Variants in RBFOX1 observed in about 807,000 individuals in gnomAD.
RBFOX1 encodes RNA binding protein fox-1 homolog 1.
RBFOX1 carries 8 observed loss-of-function variants against 57.7 expected under a neutral mutation model. The observed-to-expected ratio is 0.14, with a 90% confidence interval of 0.08 to 0.25. The LOEUF is 0.25. Ranked by LOEUF, RBFOX1 falls within the 10% of genes least tolerant of loss-of-function variation. The pLI, the probability that RBFOX1 is intolerant of heterozygous loss-of-function variation, is 1.00. For synonymous variants in RBFOX1, 326 were observed against 222.4 expected, an observed-to-expected ratio of 1.47 and a Z score of -4.15; for missense variants, 611 against 548.5, an observed-to-expected ratio of 1.11 and a Z score of -1.14.
intron 2 of RBFOX1, among the ~76,000 whole-genome samples, chr16:5,586,875 C>T (rs1451975627): frequency 6.6e-6 from 1 of 152,140 alleles, no homozygotes; most frequent in Admixed American, 6.5e-5. Flanking sequence ...GGACAGTATC[C>T]TTGAAATGCT....
At chr16:6,964,927 G>T (rs920783604) in intron 3 of RBFOX1, among the ~76,000 whole-genome samples, 5 of 152,176 alleles carry the variant, frequency 3.3e-5, no homozygotes, top group African/African-American at 1.2e-4. Context: ...CCCCATCTCT[G>T]CGGATTAAAG....
At chr16:6,419,698 C>G (rs997027281) in intron 2 of RBFOX1, among the ~76,000 whole-genome samples, 2 of 152,156 alleles carry the variant, frequency 1.3e-5, no homozygotes, top group Admixed American at 6.6e-5. Context: ...CATTCCCGTT[C>G]TTCATAGACT....
chr16:7,129,565 C>T (rs1276082133), intron 4 of RBFOX1, among the ~76,000 whole-genome samples: 3 of 151,798 alleles, frequency 2.0e-5, no homozygotes, highest in African/African-American at 2.4e-5. Context: ...TGCCCTATCT[C>T]CTGGGGAAAA....
chr16:7,127,167 A>G (rs574931902), intron 4 of RBFOX1, among the ~76,000 whole-genome samples: 1 of 152,284 alleles, frequency 6.6e-6, no homozygotes, highest in East Asian at 1.9e-4. Flanking sequence ...ATAATTTCAG[A>G]GAAAGAAAAG....
chr16:5,278,515 A>T (rs2063195486), intron 1 of RBFOX1, among the ~76,000 whole-genome samples: 1 of 152,202 alleles, frequency 6.6e-6, no homozygotes, highest in African/African-American at 2.4e-5. Context: ...TCTTTCAGCC[A>T]TCTTGAGTTA....
chr16:7,656,643 C>G (rs999762085), intron 12 of RBFOX1, among the ~76,000 whole-genome samples: 4 of 152,188 alleles, frequency 2.6e-5, no homozygotes, highest in African/African-American at 4.8e-5. Flanking sequence ...TGACTGACGT[C>G]TTTACCCCAG....
intron 4 of RBFOX1, among the ~76,000 whole-genome samples, chr16:7,422,337 T>C (rs951649272): frequency 1.3e-5 from 2 of 152,132 alleles, no homozygotes; most frequent in African/African-American, 4.8e-5. Flanking sequence ...AGCTGTGAAA[T>C]ATATTCATTG....
chr16:7,095,413 C>T (rs994575882), intron 4 of RBFOX1, among the ~76,000 whole-genome samples: 3 of 152,214 alleles, frequency 2.0e-5, no homozygotes, highest in Non-Finnish European at 4.4e-5. Context: ...GCTGGGATTA[C>T]AGTCATGAGT....
intron 2 of RBFOX1, among the ~76,000 whole-genome samples, chr16:5,562,016 C>A (rs1014835000): frequency 2.0e-5 from 3 of 152,106 alleles, no homozygotes; most frequent in African/African-American, 7.2e-5. Flanking sequence ...GGTGTGAAGA[C>A]ACAGGGAAAC....
intron 5 of RBFOX1, among the ~76,000 whole-genome samples, chr16:7,522,149 G>C (rs564607660): frequency 6.6e-6 from 1 of 152,338 alleles, no homozygotes; most frequent in East Asian, 1.9e-4. Context: ...CAGAGTTCAT[G>C]ATGAGATGCC....
chr16:5,779,250 C>G (rs2054248496), intron 3 of RBFOX1, among the ~76,000 whole-genome samples: 1 of 152,216 alleles, frequency 6.6e-6, no homozygotes, highest in South Asian at 2.1e-4. Context: ...CTGTCAGTCT[C>G]TGTCCCTCTA....
At chr16:5,875,340 C>T (rs951015758) in intron 4 of RBFOX1, among the ~76,000 whole-genome samples, 1 of 152,182 alleles carries the variant, frequency 6.6e-6, no homozygotes, top group African/African-American at 2.4e-5. Flanking sequence ...ATTGCAACAC[C>T]TGGGCTGTCT....
intron 4 of RBFOX1, among the ~76,000 whole-genome samples, chr16:7,172,090 C>T (rs773345473): frequency 1.6e-4 from 24 of 152,104 alleles, no homozygotes; most frequent in Non-Finnish European, 2.6e-4. Flanking sequence ...TTTGCTTTAA[C>T]GTTCTCATCT....
intron 2 of RBFOX1, among the ~76,000 whole-genome samples, chr16:6,434,210 C>T (rs1400286385): frequency 2.0e-5 from 3 of 152,178 alleles, no homozygotes; most frequent in Non-Finnish European, 4.4e-5. Flanking sequence ...ATCTCCCCAG[C>T]TCAATATCCC....
intron 4 of RBFOX1, among the ~76,000 whole-genome samples, chr16:7,482,078 C>T (rs150099453): frequency 1.3e-5 from 2 of 152,206 alleles, no homozygotes; most frequent in Non-Finnish European, 2.9e-5. Flanking sequence ...AGCGTCCACA[C>T]CTAGCAAGGG....
chr16:5,952,533 C>T (rs2059542307), intron 4 of RBFOX1, among the ~76,000 whole-genome samples: 2 of 152,246 alleles, frequency 1.3e-5, no homozygotes, highest in Admixed American at 1.3e-4. Context: ...GTGATCTGCC[C>T]ACCTTGGCCT....
intron 4 of RBFOX1, among the ~76,000 whole-genome samples, chr16:7,087,419 A>T (rs935149713): frequency 1.3e-5 from 2 of 152,146 alleles, no homozygotes; most frequent in African/African-American, 4.8e-5. Context: ...TAGTATCATC[A>T]GTTTTTGTTT....
chr16:6,521,560 C>G (rs1268990754), intron 2 of RBFOX1, among the ~76,000 whole-genome samples: 2 of 147,710 alleles, frequency 1.4e-5, no homozygotes, highest in East Asian at 2.0e-4. Flanking sequence ...TTCCCTCGCT[C>G]TCTTTGTCTT....
intron 2 of RBFOX1, among the ~76,000 whole-genome samples, chr16:5,593,172 T>C (rs955097680): frequency 3.3e-4 from 50 of 152,196 alleles, no homozygotes; most frequent in African/African-American, 1.1e-3. Flanking sequence ...TAAAAAAGGA[T>C]GAGTTCATGT....
Sources: allele counts gnomAD v4.1 joint callset (sites outside exome capture counted in the v4.1 genomes callset), GRCh38; gene constraint gnomAD v4.1.1; transcripts MANE v1.5; gene names NCBI Gene and HGNC (gene_info 2026-07-23, HGNC 2026-07-21).